Variants in HDAC8 observed in about 807,000 individuals in gnomAD.
The protein encoded by HDAC8 is histone deacetylase-like 1.
Under a neutral mutation model 32.2 loss-of-function variants are expected in HDAC8, and 1 was observed. The observed-to-expected ratio is 0.03, with a 90% CI of 0.01 to 0.15. The LOEUF (loss-of-function observed/expected upper bound fraction) is 0.15, where lower values mean the gene tolerates loss of function less well. HDAC8 is among the 10% of genes least tolerant of loss of function. The pLI, the probability that HDAC8 is intolerant of heterozygous loss-of-function variation, is 1.00. For missense variants in HDAC8, 117 were observed against 300.0 expected (o/e 0.39, Z 4.51); for synonymous variants, 108 against 113.9 (o/e 0.95, Z 0.33).
intron 4 of HDAC8, among the ~76,000 whole-genome samples, chrX:72,524,491 A>G (rs782516384): frequency 1.8e-5 from 2 of 111,996 alleles, no homozygotes; most frequent in African/African-American, 6.5e-5. Context: ...GCTTTATGAA[A>G]CTATGAAGGC....
chrX:72,439,579 C>T (rs782582981), intron 9 of HDAC8, among the ~76,000 whole-genome samples: 2 of 86,886 alleles, frequency 2.3e-5, no homozygotes, highest in East Asian at 8.4e-4. Context: ...ATCTCACGTG[C>T]AAAGACACAC....
chrX:72,365,143 C>G (rs1286731411), intron 9 of HDAC8, among the ~76,000 whole-genome samples: 1 of 111,887 alleles, frequency 8.9e-6, no homozygotes, highest in African/African-American at 3.2e-5. Flanking sequence ...ACTAGTTGAG[C>G]ATGCCTAATC....
Position 72,473,956 on chromosome X carries a change from A to G in HDAC8, c.738-9225T>C, listed in dbSNP as rs112939878. The G allele has an allele frequency of 6.0e-3, 4,139 of 686,564 alleles. 32 individuals are homozygous for G. The highest frequency in any genetic ancestry group is 0.04 in the African/African-American group (1,665 of 42,026). The allele number at this position is 686,564 out of a possible 1,213,427, so 56.6% of individuals were successfully genotyped here. A position where few individuals can be genotyped will look rare whatever the true frequency, so the allele number is the denominator to read the frequency against. On this transcript the variant is annotated intron_variant, in intron 7 of 10. Transcript: ENST00000373573. The stretch of plus-strand genomic sequence containing the variant: ...GCAACTTCTCCTCCATGCACTTTAC[A>G]GTCCAGCCAAACTAAAACCACTGCT...
chrX:72,413,287 G>T (rs1602731665), intron 9 of HDAC8, among the ~76,000 whole-genome samples: 1 of 73,149 alleles, frequency 1.4e-5, no homozygotes, highest in Non-Finnish European at 2.4e-5. Context: ...CCCACAACAG[G>T]CCCCGGTGTG....
chrX:72,405,475 T>C (rs1268795657), intron 9 of HDAC8, among the ~76,000 whole-genome samples: 1 of 112,525 alleles, frequency 8.9e-6, no homozygotes, highest in Non-Finnish European at 1.9e-5. Context: ...TTTGGGTATA[T>C]ACCCAGTAAT....
chrX:72,548,752 C>G lies in HDAC8; in HGVS notation c.437+19137G>C, dbSNP rs2050955701. ...CCAGGCTGGAGTGCAGTGGTGCAAC[C>G]TCAAACTCCTGGGCTCAAGTGATCC... On this transcript the variant is annotated intron_variant, in intron 4 of 10. Transcript: ENST00000373573. 3.6e-5 allele frequency among the ~76,000 whole-genome samples: 4 copies of G among 110,946 alleles called. No homozygotes were observed. The South Asian group carries it at 1.5e-3, about 43-fold the overall frequency.
chrX:72,551,672 C>T (rs1336327462), intron 4 of HDAC8, among the ~76,000 whole-genome samples: 4 of 111,500 alleles, frequency 3.6e-5, no homozygotes, highest in South Asian at 7.5e-4. Context: ...AATAGATGTT[C>T]GTTAATTGAT....
intron 9 of HDAC8, among the ~76,000 whole-genome samples, chrX:72,438,196 C>T (rs1308797751): frequency 1.8e-5 from 2 of 112,075 alleles, no homozygotes; most frequent in African/African-American, 6.5e-5. Context: ...GATACCCAGG[C>T]AAACAGCGTC....
chrX:72,507,997 A>G (rs1556019893), intron 4 of HDAC8, among the ~76,000 whole-genome samples: 4 of 111,929 alleles, frequency 3.6e-5, no homozygotes. Context: ...AAATTTATGT[A>G]AAACAGCAAG....
chrX:72,351,693 G>T, intron 10 of HDAC8, 40 bp downstream of exon 10: 1 of 1,008,580 alleles, frequency 9.9e-7, no homozygotes, highest in Non-Finnish European at 1.4e-6. Context: ...CCACAAACTG[G>T]GTGGAACAAG....
intron 7 of HDAC8, among the ~76,000 whole-genome samples, chrX:72,465,294 TG>T (rs2047987987): frequency 8.9e-6 from 1 of 111,854 alleles, no homozygotes; most frequent in African/African-American, 3.2e-5. Context: ...ACCAGGGTAT[TG>T]TAGGGAAGGT....
chrX:72,388,230 G>C (rs1486158554), intron 9 of HDAC8, among the ~76,000 whole-genome samples: 3 of 110,088 alleles, frequency 2.7e-5, no homozygotes, highest in African/African-American at 9.9e-5. Flanking sequence ...TTGTGTATTT[G>C]AAGCAGGTAG....
chrX:72,519,957 T>C (rs1469445514), intron 4 of HDAC8, among the ~76,000 whole-genome samples: 1 of 112,452 alleles, frequency 8.9e-6, no homozygotes, highest in Non-Finnish European at 1.9e-5. Flanking sequence ...TTAAATTGGG[T>C]TGTCTGTCTA....
chrX:72,374,469 C>G (rs1362369441), intron 9 of HDAC8, among the ~76,000 whole-genome samples: 1 of 110,614 alleles, frequency 9.0e-6, no homozygotes, highest in Non-Finnish European at 1.9e-5. Context: ...GTCAGGAGTT[C>G]AAGACCAACC....
chrX:72,449,704 A>G (rs2047521916), intron 9 of HDAC8, among the ~76,000 whole-genome samples: 1 of 111,702 alleles, frequency 9.0e-6, no homozygotes, highest in Admixed American at 9.5e-5. Context: ...AGATGGCAGA[A>G]TAGGTTAAAA....
intron 9 of HDAC8, among the ~76,000 whole-genome samples, chrX:72,428,381 C>T (rs964779985): frequency 2.7e-5 from 3 of 112,324 alleles, no homozygotes; most frequent in East Asian, 2.8e-4. Flanking sequence ...TGTGAGCCAC[C>T]GCGCCCTGCC....
chrX:72,544,317 C>T (rs2050795623), intron 4 of HDAC8, among the ~76,000 whole-genome samples: 1 of 111,773 alleles, frequency 8.9e-6, no homozygotes, highest in Admixed American at 9.5e-5. Flanking sequence ...ATCCCACTCC[C>T]CACACCTGGA....
chrX:72,467,812 T>A, intron 7 of HDAC8: 2 of 593,940 alleles, frequency 3.4e-6, no homozygotes, highest in Non-Finnish European at 2.5e-6. Flanking sequence ...AAGAGATAGA[T>A]TTGGGAGAAA....
chrX:72,408,397 G>A (rs782740416), intron 9 of HDAC8, among the ~76,000 whole-genome samples: 1 of 110,769 alleles, frequency 9.0e-6, no homozygotes, highest in East Asian at 2.8e-4. Flanking sequence ...TTGGGGAAAA[G>A]GATTCTTTCT....
Sources: gnomAD v4.1 joint callset for allele counts (sites outside exome capture counted in the v4.1 genomes callset) on GRCh38, gnomAD v4.1.1 for gene constraint, MANE v1.5 for transcripts, NCBI Gene and HGNC (gene_info 2026-07-23, HGNC 2026-07-21) for gene names.